The following FSTL1 variants were observed in gnomAD, a reference collection of about 807,000 sequenced individuals.
FSTL1 encodes follistatin-related protein 1.
Under a neutral mutation model 45.9 loss-of-function variants are expected in FSTL1, and 24 were observed. The observed-to-expected ratio is 0.52, with a 90% CI of 0.38 to 0.74. FSTL1 has a LOEUF of 0.74. Ranked by LOEUF, FSTL1 falls within the 30% of genes least tolerant of loss-of-function variation. The pLI, the probability that FSTL1 is intolerant of heterozygous loss-of-function variation, is 0.00. For synonymous variants in FSTL1, 120 were observed against 137.6 expected (o/e 0.87, Z 0.89); for missense variants, 340 against 381.8 (o/e 0.89, Z 0.91).
chr3:120,446,964 T>C (rs552506317), intron 2 of FSTL1, among the ~76,000 whole-genome samples: 8 of 152,198 alleles, frequency 5.3e-5, no homozygotes, highest in Non-Finnish European at 1.0e-4. Flanking sequence ...ACTGTACATG[T>C]GACTTATCAT....
rs924420821 is a variant in FSTL1 at position 120,394,228 on chromosome 3, T to C, written c.*2724A>G. ...CTCTTAGGAAGTAAATGGGTAATGT[T>C]CTCACGACTTTATTTGGCCTTAATT... On this transcript the variant is annotated 3_prime_UTR_variant, in exon 11 of 11. Coordinates refer to ENST00000295633, the MANE Select transcript of FSTL1 (RefSeq NM_007085.5). 6.6e-6 allele frequency: 1 copy of C among 152,202 alleles called. No individual in the cohort carries two copies. The highest frequency in any genetic ancestry group is 1.5e-5 in the Non-Finnish European group (1 of 68,042). 9.4% of individuals were successfully genotyped at this position (152,202 alleles called of 1,614,324 possible). A position where few individuals can be genotyped will look rare whatever the true frequency, so the allele number is the denominator to read the frequency against.
Position 120,396,823 on chromosome 3 carries a change from A to G in FSTL1, c.*129T>C. 1.4e-6 allele frequency: 1 copy of G among 728,118 alleles called. No individual in the cohort carries two copies. Among genetic ancestry groups the G allele is most frequent in the South Asian group, 1.6e-5 (1 of 61,450 alleles). The allele number at this position is 728,118 out of a possible 1,614,324, so 45.1% of individuals were successfully genotyped here. A position where few individuals can be genotyped will look rare whatever the true frequency, so the allele number is the denominator to read the frequency against. ...ATCCTTTATTGCAAAACAAATAAAC[A>G]AAATAAAACTCATTGCTATATAAGC... On this transcript the variant is annotated 3_prime_UTR_variant, in exon 11 of 11. Transcript: ENST00000295633.
At chr3:120,399,048 C>T (rs1169660729) in intron 10 of FSTL1, among the ~76,000 whole-genome samples, 3 of 152,164 alleles carry the variant, frequency 2.0e-5, no homozygotes, top group African/African-American at 7.2e-5. Context: ...TCTGTTTACT[C>T]ATGTCAAATA....
chr3:120,403,452 A>G, intron 7 of FSTL1, 98 bp from the exon 8 acceptor site: 1 of 695,878 alleles, frequency 1.4e-6, no homozygotes, highest in Non-Finnish European at 2.5e-6. Flanking sequence ...GGGCCTCCAC[A>G]GGAGGCCAAG....
At chr3:120,412,013 G>A in intron 3 of FSTL1, 30 bp from the exon 4 acceptor site, 1 of 1,596,838 alleles carries the variant, frequency 6.3e-7, no homozygotes, top group Admixed American at 1.7e-5. Flanking sequence ...GAATGTTTGT[G>A]CAGTTATGGA....
chr3:120,409,251 T>A (rs1937004202), intron 6 of FSTL1, among the ~76,000 whole-genome samples: 1 of 152,178 alleles, frequency 6.6e-6, no homozygotes, highest in Non-Finnish European at 1.5e-5. Flanking sequence ...GGGACAGAGC[T>A]TGGCCCTAAC....
chr3:120,408,144 T>C (rs1936982424), intron 6 of FSTL1, among the ~76,000 whole-genome samples: 1 of 152,234 alleles, frequency 6.6e-6, no homozygotes, highest in South Asian at 2.1e-4. Flanking sequence ...ACCTTTACCA[T>C]TCGCTCAGCT....
chr3:120,402,989 T>G, intron 8 of FSTL1, 71 bp from the exon 9 acceptor site: 2 of 1,005,748 alleles, frequency 2.0e-6, no homozygotes, highest in Non-Finnish European at 3.2e-6. Flanking sequence ...CTACAGTCTG[T>G]GCACCTTACC....
rs1733304 is a variant in FSTL1 at position 120,435,986 on chromosome 3, C to A, written c.63+14698G>T. Among the ~76,000 whole-genome samples the A allele has an allele frequency of 9.2e-5, 14 of 151,852 alleles. No individual in the cohort carries two copies. In the East Asian group the frequency reaches 2.3e-3, roughly 25 times the overall value. ...GCAATTACCTAAGCTGTAAAATGAC[C>A]AACATAGTGGGGTAGTCATCCTCAA... On this transcript the variant is annotated intron_variant, in intron 2 of 10. Transcript: ENST00000295633.
intron 2 of FSTL1, among the ~76,000 whole-genome samples, chr3:120,434,461 C>T (rs115526223): frequency 0.01 from 1,593 of 152,238 alleles, 14 homozygotes; most frequent in Non-Finnish European, 0.018. Context: ...GCCACTAAGA[C>T]CTGGGGTCAC....
chr3:120,442,999 C>T (rs1374088401), intron 2 of FSTL1, among the ~76,000 whole-genome samples: 6 of 144,774 alleles, frequency 4.1e-5, no homozygotes, highest in Non-Finnish European at 5.9e-5. Flanking sequence ...GGCTAGATGA[C>T]GAGTTAGTGG....
intron 2 of FSTL1, among the ~76,000 whole-genome samples, chr3:120,418,569 T>G (rs959862196): frequency 3.3e-5 from 5 of 152,226 alleles, no homozygotes; most frequent in African/African-American, 1.2e-4. Context: ...ATTTGATTTA[T>G]TTTCATATCC....
chr3:120,444,953 C>T (rs765510689), intron 2 of FSTL1, among the ~76,000 whole-genome samples: 5 of 149,768 alleles, frequency 3.3e-5, no homozygotes, highest in Non-Finnish European at 5.9e-5. Flanking sequence ...CCTTCTCCTA[C>T]GGTTGACTAT....
chr3:120,409,867 A>C, intron 5 of FSTL1: 1 of 402,512 alleles, frequency 2.5e-6, no homozygotes, highest in Non-Finnish European at 4.4e-6. Context: ...ATATTTGTAA[A>C]GATTGAGAAT....
intron 2 of FSTL1, among the ~76,000 whole-genome samples, chr3:120,433,455 C>CA (rs1157740855): frequency 1.3e-5 from 2 of 152,198 alleles, no homozygotes. Context: ...ACATATGAGA[C>CA]ATTTGGCCTT....
chr3:120,422,264 T>TG (rs1439353665), intron 2 of FSTL1, among the ~76,000 whole-genome samples: 2 of 152,234 alleles, frequency 1.3e-5, no homozygotes, highest in African/African-American at 2.4e-5. Flanking sequence ...ATGTACAGCA[T>TG]GGCGATGATA....
intron 2 of FSTL1, among the ~76,000 whole-genome samples, chr3:120,446,989 C>G (rs1255260375): frequency 6.6e-6 from 1 of 152,104 alleles, no homozygotes; most frequent in Non-Finnish European, 1.5e-5. Flanking sequence ...AATTTCTAGA[C>G]CTGGAATGCT....
At chr3:120,432,951 T>G (rs1937505277) in intron 2 of FSTL1, among the ~76,000 whole-genome samples, 1 of 152,220 alleles carries the variant, frequency 6.6e-6, no homozygotes, top group Non-Finnish European at 1.5e-5. Flanking sequence ...TGCCTTTTGC[T>G]TTGTTTTATC....
intron 2 of FSTL1, among the ~76,000 whole-genome samples, chr3:120,435,862 T>C (rs1157517408): frequency 6.6e-6 from 1 of 152,230 alleles, no homozygotes; most frequent in Non-Finnish European, 1.5e-5. Flanking sequence ...GAACCCAGCT[T>C]GCTCTCTAAT....
Sources: allele counts gnomAD v4.1 joint callset (sites outside exome capture counted in the v4.1 genomes callset), GRCh38; gene constraint gnomAD v4.1.1; transcripts MANE v1.5; gene names NCBI Gene and HGNC (gene_info 2026-07-23, HGNC 2026-07-21).